Variants in APBB1IP observed in about 807,000 individuals in gnomAD.
APBB1IP encodes the protein amyloid beta A4 precursor protein-binding family B member 1-interacting protein.
In APBB1IP, 27 loss-of-function variants were observed where a neutral mutation model predicts 64.9. The ratio of observed to expected loss-of-function variants is 0.42; its 90% CI spans 0.31 to 0.57. The LOEUF is 0.57. Ranked by LOEUF, APBB1IP falls within the 20% of genes least tolerant of loss-of-function variation. The pLI, the probability that APBB1IP is intolerant of heterozygous loss-of-function variation, is 0.20. For missense variants in APBB1IP, 812 were observed against 845.5 expected (o/e 0.96, Z 0.49); for synonymous variants, 392 against 331.0 (o/e 1.18, Z -2.00).
intron 10 of APBB1IP, among the ~76,000 whole-genome samples, chr10:26,537,584 CGGTG>C (rs1564372412): frequency 1.3e-5 from 2 of 152,084 alleles, no homozygotes; most frequent in African/African-American, 4.8e-5. Context: ...TGAATATAAA[CGGTG>C]CATATAAATA....
rs1439063589 is a variant in APBB1IP at position 26,466,816 on chromosome 10, G to A, written c.1-25511G>A. On this transcript the variant is annotated intron_variant, in intron 2 of 14. Transcript: ENST00000376236. ...CCAGGCATGGTGGCGCATACCTGTA[G>A]CCCCAGCTACTCAGGATACTGAAGT... Among the ~76,000 whole-genome samples, 4 of 152,108 alleles carry A rather than the reference G, an allele frequency of 2.6e-5. No individual in the cohort carries two copies. In the East Asian group the frequency reaches 7.7e-4, roughly 29 times the overall value.
At chr10:26,458,003 G>A (rs578226527) in intron 2 of APBB1IP, among the ~76,000 whole-genome samples, 1 of 152,176 alleles carries the variant, frequency 6.6e-6, no homozygotes, top group Admixed American at 6.5e-5. Flanking sequence ...TATTTTTATG[G>A]CCTGACTAAT....
chr10:26,509,381 G>T (rs897962637), intron 6 of APBB1IP, among the ~76,000 whole-genome samples: 3 of 152,178 alleles, frequency 2.0e-5, no homozygotes, highest in Non-Finnish European at 4.4e-5. Flanking sequence ...ACTGCCCCAT[G>T]TCTACATTTT....
At chr10:26,501,153 GC>G (rs771511682) in intron 5 of APBB1IP, 42 bp downstream of exon 5, 1 of 1,611,892 alleles carries the variant, frequency 6.2e-7, no homozygotes, top group South Asian at 1.1e-5. Flanking sequence ...ATCAACCTCT[GC>G]TACCTATCAC....
chr10:26,567,275 A>C lies in APBB1IP; in HGVS notation c.1788A>C (p.Ser596=). ...CGTCGTACGCAGGGATCGCGGGCTC[A>C]GAGCTGCCCCCGCCGCCGCCGCCGC... The part of the protein sequence containing the change: ...PPPSYAGIAG[S]ELPPPPPPPP... Residue 596 remains serine, a synonymous_variant, in exon 15 of 15, where the codon TCA becomes TCC. Coordinates refer to ENST00000376236, the MANE Select transcript of APBB1IP (RefSeq NM_019043.4). 4.3e-6 allele frequency: 5 copies of C among 1,167,298 alleles called. No homozygotes were observed. Among genetic ancestry groups the C allele is most frequent in the Non-Finnish European group, 5.3e-6 (5 of 944,972 alleles). The allele number at this position is 1,167,298 out of a possible 1,614,324, so 72.3% of individuals were successfully genotyped here.
chr10:26,567,680 T>C lies in APBB1IP; in HGVS notation c.*192T>C. 7.8e-7 allele frequency: 1 copy of C among 1,286,504 alleles called. No individual in the cohort carries two copies. The highest frequency in any genetic ancestry group is 1.0e-6 in the Non-Finnish European group (1 of 994,658). The allele number at this position is 1,286,504 out of a possible 1,614,324, so 79.7% of individuals were successfully genotyped here. On this transcript the variant is annotated 3_prime_UTR_variant, in exon 15 of 15. Coordinates refer to ENST00000376236, the MANE Select transcript of APBB1IP (RefSeq NM_019043.4). Reference sequence around the variant, plus strand: ...AATATCTGCCCAAATGTACATATCGTTCCCATGTATTTTAACCTAAATGGA... The same window carrying C: ...AATATCTGCCCAAATGTACATATCGCTCCCATGTATTTTAACCTAAATGGA...
rs11331595 is a variant in APBB1IP, at chr10:26,537,933, C to CA, written c.1044+1736dup. ...TGGGTGAAAGAGCAAGACTAGGTCT[C>CA]AAAAAAAAAAAAAAAAAAAAGTGTT... is the stretch of plus-strand genomic sequence containing the variant. On this transcript the variant is annotated intron_variant, in intron 10 of 14. Transcript: ENST00000376236. Among the ~76,000 whole-genome samples the CA allele has an allele frequency of 3.2e-3, 339 of 106,816 alleles. 1 individual carries two copies. The highest frequency in any genetic ancestry group is 6.0e-3 in the African/African-American group (172 of 28,602). The allele number at this position is 106,816 out of a possible 152,430, so 70.1% of individuals were successfully genotyped here.
intron 9 of APBB1IP, among the ~76,000 whole-genome samples, chr10:26,535,688 C>A (rs948504887): frequency 2.6e-5 from 4 of 152,094 alleles, no homozygotes; most frequent in African/African-American, 9.7e-5. Flanking sequence ...ATTATTCTGT[C>A]TTCCATTTTA....
At chr10:26,550,523 T>C (rs1455154895) in intron 11 of APBB1IP, among the ~76,000 whole-genome samples, 1 of 152,216 alleles carries the variant, frequency 6.6e-6, no homozygotes, top group Non-Finnish European at 1.5e-5. Context: ...TTCTGCTTGA[T>C]CAATTCTGCA....
intron 8 of APBB1IP, among the ~76,000 whole-genome samples, chr10:26,514,206 C>T (rs1836296916): frequency 6.6e-6 from 1 of 151,964 alleles, no homozygotes; most frequent in Non-Finnish European, 1.5e-5. Flanking sequence ...TTTTTCATTC[C>T]AAATCCAAAA....
chr10:26,567,283 C>A lies in APBB1IP; in HGVS notation c.1796C>A (p.Pro599His). The A allele has an allele frequency of 8.9e-7, 1 of 1,127,470 alleles. No individual in the cohort carries two copies. The allele number at this position is 1,127,470 out of a possible 1,614,324, so 69.8% of individuals were successfully genotyped here. Residue 599 changes from proline (P) to histidine (H), a missense_variant, in exon 15 of 15, where the codon CCC becomes CAC. Physicochemically the swap from Pro to His is moderately conservative, Grantham distance 77. Transcript: ENST00000376236. Reference protein sequence around the residue: ...SYAGIAGSELPPPPPPPPAPA... With the variant: ...SYAGIAGSELHPPPPPPPAPA... ...GCAGGGATCGCGGGCTCAGAGCTGC[C>A]CCCGCCGCCGCCGCCGCCGCCCGCG...
intron 9 of APBB1IP, among the ~76,000 whole-genome samples, chr10:26,535,714 C>T (rs1836613989): frequency 6.6e-6 from 1 of 152,116 alleles, no homozygotes; most frequent in African/African-American, 2.4e-5. Context: ...ACATTAATTG[C>T]TTTTATTAAA....
rs544065938 is a variant in APBB1IP at position 26,533,867 on chromosome 10, T to C, written c.900+342T>C. ...TTTTTAAAAGGGACCTCTAAGATGC[T>C]CTCTCAACATTTTAGACGTGGTAGG... On this transcript the variant is annotated intron_variant, in intron 9 of 14. Transcript: ENST00000376236. Among the ~76,000 whole-genome samples, 3 of 152,212 alleles carry C rather than the reference T, an allele frequency of 2.0e-5. No individual in the cohort carries two copies. The East Asian group carries it at 5.8e-4, about 29-fold the overall frequency.
intron 2 of APBB1IP, among the ~76,000 whole-genome samples, chr10:26,444,278 G>C (rs1835368355): frequency 6.6e-6 from 1 of 152,134 alleles, no homozygotes; most frequent in African/African-American, 2.4e-5. Context: ...AGGGCGAGGA[G>C]ATAGCAGATC....
At chr10:26,487,333 C>T (rs149484521) in intron 2 of APBB1IP, among the ~76,000 whole-genome samples, 70 of 152,102 alleles carry the variant, frequency 4.6e-4, no homozygotes, top group African/African-American at 1.5e-3. Flanking sequence ...ATGTGTATAA[C>T]TCTTGTCTGT....
chr10:26,485,414 G>A (rs891290464), intron 2 of APBB1IP, among the ~76,000 whole-genome samples: 5 of 152,314 alleles, frequency 3.3e-5, no homozygotes, highest in African/African-American at 1.2e-4. Context: ...CTCTAGCCCA[G>A]TTCTTCTCAT....
intron 11 of APBB1IP, among the ~76,000 whole-genome samples, chr10:26,554,369 C>A (rs958977263): frequency 2.0e-5 from 3 of 152,188 alleles, no homozygotes; most frequent in African/African-American, 7.2e-5. Context: ...GGCTCAGAGG[C>A]AAAATCTGTT....
At chr10:26,533,840 C>CT (rs931692757) in intron 9 of APBB1IP, among the ~76,000 whole-genome samples, 1 of 151,826 alleles carries the variant, frequency 6.6e-6, no homozygotes, top group African/African-American at 2.4e-5. Context: ...ATTTCCAAAT[C>CT]TTTTTTAAAA....
intron 6 of APBB1IP, among the ~76,000 whole-genome samples, chr10:26,510,652 G>T (rs2132445032): frequency 6.6e-6 from 1 of 151,150 alleles, no homozygotes; most frequent in African/African-American, 2.4e-5. Flanking sequence ...GGGAGGATCA[G>T]TTGAGCCCAG....
Sources: allele counts gnomAD v4.1 joint callset (sites outside exome capture counted in the v4.1 genomes callset), GRCh38; gene constraint gnomAD v4.1.1; transcripts MANE v1.5; gene names NCBI Gene and HGNC (gene_info 2026-07-23, HGNC 2026-07-21).